PHACTR1: variants seen among roughly 807,000 people sequenced by gnomAD.
The protein encoded by PHACTR1 is RPEL repeat containing 1.
In PHACTR1, 16 loss-of-function variants were observed where a neutral mutation model predicts 69.2. The observed-to-expected ratio is 0.23, with a 90% CI of 0.16 to 0.35. The LOEUF (loss-of-function observed/expected upper bound fraction) is 0.35, where lower values mean the gene tolerates loss of function less well. Ranked by LOEUF, PHACTR1 falls within the 10% of genes least tolerant of loss-of-function variation. The probability of loss-of-function intolerance (pLI) is 1.00; values close to 1 mark genes in which losing one functional copy is unlikely to be tolerated. For missense variants in PHACTR1, 510 were observed against 734.7 expected (o/e 0.69, Z 3.54); for synonymous variants, 312 against 284.5 (o/e 1.10, Z -0.97).
At chr6:13,240,263 T>C (rs1466458049) in intron 10 of PHACTR1, among the ~76,000 whole-genome samples, 1 of 152,114 alleles carries the variant, frequency 6.6e-6, no homozygotes, top group African/African-American at 2.4e-5. Context: ...CTTCTTAGGG[T>C]AGATGAAGAG....
At chr6:13,199,066 C>T (rs550409386) in intron 7 of PHACTR1, among the ~76,000 whole-genome samples, 3 of 152,194 alleles carry the variant, frequency 2.0e-5, no homozygotes, top group Middle Eastern at 3.4e-3. Context: ...CCCAAGCTTC[C>T]CTAATGAGGC....
intron 10 of PHACTR1, among the ~76,000 whole-genome samples, chr6:13,258,933 A>G (rs965490469): frequency 1.3e-5 from 2 of 152,246 alleles, no homozygotes; most frequent in Non-Finnish European, 2.9e-5. Context: ...GTTTTTATAT[A>G]TAGCTCTAAC....
intron 4 of PHACTR1, among the ~76,000 whole-genome samples, chr6:12,858,432 G>A (rs867958309): frequency 6.6e-6 from 1 of 152,130 alleles, no homozygotes; most frequent in Non-Finnish European, 1.5e-5. Context: ...TGTCAACATA[G>A]CAATAATGAT....
intron 5 of PHACTR1, among the ~76,000 whole-genome samples, chr6:13,149,508 C>A (rs1017506809): frequency 3.3e-5 from 5 of 152,148 alleles, no homozygotes; most frequent in Non-Finnish European, 7.3e-5. Flanking sequence ...AGTCTCATCT[C>A]GTACCTCATG....
intron 4 of PHACTR1, among the ~76,000 whole-genome samples, chr6:12,892,575 T>C (rs1158983164): frequency 6.6e-6 from 1 of 152,250 alleles, no homozygotes; most frequent in East Asian, 1.9e-4. Context: ...CTAAATGTTT[T>C]GTTTTCTTTG....
intron 4 of PHACTR1, among the ~76,000 whole-genome samples, chr6:12,821,121 A>G (rs1311015065): frequency 2.0e-5 from 3 of 152,164 alleles, no homozygotes; most frequent in Non-Finnish European, 4.4e-5. Flanking sequence ...TGGTTATTCA[A>G]TGTATTTGTG....
intron 5 of PHACTR1, among the ~76,000 whole-genome samples, chr6:13,145,197 G>A (rs929841045): frequency 1.1e-4 from 16 of 152,186 alleles, no homozygotes; most frequent in South Asian, 2.1e-4. Context: ...TTTCTTCCCT[G>A]TGTAGTTCTC....
intron 6 of PHACTR1, among the ~76,000 whole-genome samples, chr6:13,162,180 A>G (rs534958239): frequency 1.3e-5 from 2 of 151,736 alleles, no homozygotes; most frequent in Admixed American, 6.6e-5. Flanking sequence ...GCTCACTGCA[A>G]CCTCCGCCTC....
In PHACTR1 at chr6:13,157,856, T is replaced by C. The variant is rs535948642; in HGVS notation, c.416-2348T>C. ...GTCCAGTCTTCTTCCGCTGTGCTGC[T>C]GTGCTGCTTAGCAGATCTTTTCTTT... On this transcript the variant is annotated intron_variant, in intron 5 of 14. Coordinates refer to ENST00000332995, the MANE Select transcript of PHACTR1 (RefSeq NM_030948.6). Among the ~76,000 whole-genome samples the C allele has an allele frequency of 2.0e-5, 3 of 152,296 alleles. No homozygotes were observed. The South Asian group carries it at 6.2e-4, about 32-fold the overall frequency.
At chr6:12,819,502 G>T (rs1007581890) in intron 4 of PHACTR1, among the ~76,000 whole-genome samples, 2 of 152,030 alleles carry the variant, frequency 1.3e-5, no homozygotes, top group Non-Finnish European at 2.9e-5. Flanking sequence ...AAAGCCGGGG[G>T]TTCTTCTCAA....
chr6:13,065,283 G>A (rs1027991812), intron 5 of PHACTR1, among the ~76,000 whole-genome samples: 19 of 152,088 alleles, frequency 1.2e-4, no homozygotes, highest in African/African-American at 4.6e-4. Flanking sequence ...GTAACACCCT[G>A]AGGGCCACCA....
chr6:12,970,704 C>T (rs1322910253), intron 4 of PHACTR1, among the ~76,000 whole-genome samples: 17 of 152,146 alleles, frequency 1.1e-4, no homozygotes, highest in Admixed American at 1.1e-3. Context: ...GGCAGTGAGC[C>T]GAAATCTCAC....
intron 4 of PHACTR1, among the ~76,000 whole-genome samples, chr6:13,014,332 G>T (rs894965847): frequency 2.0e-5 from 3 of 152,160 alleles, no homozygotes; most frequent in African/African-American, 4.8e-5. Context: ...ACCCGGGCTC[G>T]CAACCCTGCA....
At chr6:13,148,615 A>G (rs1367874941) in intron 5 of PHACTR1, among the ~76,000 whole-genome samples, 3 of 152,148 alleles carry the variant, frequency 2.0e-5, no homozygotes, top group Non-Finnish European at 2.9e-5. Flanking sequence ...CAGAGCTCCC[A>G]TAGGACCTGA....
intron 8 of PHACTR1, among the ~76,000 whole-genome samples, chr6:13,207,462 C>G (rs1237127211): frequency 6.6e-6 from 1 of 152,178 alleles, no homozygotes; most frequent in Admixed American, 6.5e-5. Context: ...TCCAGTCGCT[C>G]TTCGGGGAGA....
At chr6:12,953,647 A>T (rs1791546673) in intron 4 of PHACTR1, among the ~76,000 whole-genome samples, 1 of 152,260 alleles carries the variant, frequency 6.6e-6, no homozygotes, top group Non-Finnish European at 1.5e-5. Flanking sequence ...GGGATATTAT[A>T]AGTCCCTGCC....
At chr6:12,870,168 T>C (rs769001687) in intron 4 of PHACTR1, among the ~76,000 whole-genome samples, 5 of 152,024 alleles carry the variant, frequency 3.3e-5, no homozygotes. Context: ...ACAACATCTC[T>C]AATTGGCTCA....
intron 5 of PHACTR1, among the ~76,000 whole-genome samples, chr6:13,128,591 TCAGA>T (rs1819919898): frequency 6.6e-6 from 1 of 151,436 alleles, no homozygotes; most frequent in African/African-American, 2.4e-5. Context: ...ATTAACCCAA[TCAGA>T]CAAAGACAAT....
intron 4 of PHACTR1, among the ~76,000 whole-genome samples, chr6:12,808,756 CTCTTCT>C (rs898332089): frequency 1.4e-5 from 2 of 140,370 alleles, no homozygotes; most frequent in Non-Finnish European, 3.1e-5. Flanking sequence ...CTTCCTCTTC[CTCTTCT>C]TCTTCTTCTC....
Sources: gnomAD v4.1 joint callset for allele counts (sites outside exome capture counted in the v4.1 genomes callset) on GRCh38, gnomAD v4.1.1 for gene constraint, MANE v1.5 for transcripts, NCBI Gene and HGNC (gene_info 2026-07-23, HGNC 2026-07-21) for gene names.